The following KCNIP4 variants were observed in gnomAD, a reference collection of about 807,000 sequenced individuals.
The protein encoded by KCNIP4 is Kv channel-interacting protein 4.
A neutral mutation model predicts 34.0 loss-of-function variants in KCNIP4; 12 were observed. The observed-to-expected ratio is 0.35, with a 90% CI of 0.23 to 0.57. The LOEUF is 0.57. KCNIP4 is among the 20% of genes least tolerant of loss of function. The pLI, the probability that KCNIP4 is intolerant of heterozygous loss-of-function variation, is 0.83. For missense variants in KCNIP4, 238 were observed against 311.7 expected, an observed-to-expected ratio of 0.76 and a Z score of 1.78; for synonymous variants, 124 against 102.2, an observed-to-expected ratio of 1.21 and a Z score of -1.29.
intron 1 of KCNIP4, among the ~76,000 whole-genome samples, chr4:21,389,643 A>G (rs182090369): frequency 0.013 from 1,915 of 151,582 alleles, 46 homozygotes; most frequent in African/African-American, 0.043. Flanking sequence ...ATCCTTTTTT[A>G]TGGCTGCATA....
chr4:21,081,492 A>C (rs987340943), intron 1 of KCNIP4, among the ~76,000 whole-genome samples: 5 of 151,754 alleles, frequency 3.3e-5, no homozygotes, highest in Non-Finnish European at 5.9e-5. Context: ...AGTATGTTTT[A>C]AAATTAACCT....
chr4:20,776,957 G>A (rs1756422741), intron 3 of KCNIP4, among the ~76,000 whole-genome samples: 1 of 152,134 alleles, frequency 6.6e-6, no homozygotes. Flanking sequence ...TTGGGGAAAT[G>A]TTTTATGCTA....
chr4:20,943,044 AT>A (rs1731805289), intron 1 of KCNIP4, among the ~76,000 whole-genome samples: 1 of 152,230 alleles, frequency 6.6e-6, no homozygotes, highest in South Asian at 2.1e-4. Flanking sequence ...ATCAAGATCA[AT>A]ATGTTTGATT....
intron 1 of KCNIP4, among the ~76,000 whole-genome samples, chr4:21,917,002 C>G (rs1460225761): frequency 6.6e-6 from 1 of 152,234 alleles, no homozygotes; most frequent in Non-Finnish European, 1.5e-5. Context: ...ATGGATGCAA[C>G]AGATTCATCA....
intron 1 of KCNIP4, among the ~76,000 whole-genome samples, chr4:21,470,501 T>G (rs116050183): frequency 1.3e-5 from 2 of 152,162 alleles, no homozygotes; most frequent in African/African-American, 2.4e-5. Flanking sequence ...ATAGATAATG[T>G]GGTTTAGTTG....
At chr4:20,741,670 A>C (rs186228124) in intron 5 of KCNIP4, among the ~76,000 whole-genome samples, 38 of 152,328 alleles carry the variant, frequency 2.5e-4, no homozygotes, top group Non-Finnish European at 4.6e-4. Context: ...GTAGAGAAGC[A>C]AGAGCAAACA....
intron 2 of KCNIP4, among the ~76,000 whole-genome samples, chr4:20,862,166 T>A (rs930041646): frequency 2.0e-5 from 3 of 152,026 alleles, no homozygotes; most frequent in African/African-American, 7.2e-5. Flanking sequence ...AATTTTTGTA[T>A]GTTTAGTAGA....
chr4:21,650,935 C>T (rs1747437194), intron 1 of KCNIP4, among the ~76,000 whole-genome samples: 1 of 151,962 alleles, frequency 6.6e-6, no homozygotes, highest in Admixed American at 6.6e-5. Flanking sequence ...CTCCTTGAGG[C>T]CACCCACAGT....
At chr4:21,768,111 C>G (rs1315620681) in intron 1 of KCNIP4, among the ~76,000 whole-genome samples, 1 of 152,014 alleles carries the variant, frequency 6.6e-6, no homozygotes, top group African/African-American at 2.4e-5. Flanking sequence ...AACCGCCAAG[C>G]AAGAGCTTCT....
At chr4:20,866,468 T>C (rs1577280554) in intron 2 of KCNIP4, among the ~76,000 whole-genome samples, 1 of 152,032 alleles carries the variant, frequency 6.6e-6, no homozygotes, top group South Asian at 2.1e-4. Context: ...CCTTTTATGA[T>C]AAAAACCCTT....
At chr4:21,569,652 G>C (rs1194374588) in intron 1 of KCNIP4, among the ~76,000 whole-genome samples, 8 of 152,228 alleles carry the variant, frequency 5.3e-5, no homozygotes, top group Admixed American at 2.0e-4. Context: ...CTATTAATCA[G>C]AGTCTGGTGT....
chr4:20,852,442 CT>C (rs1317713929), intron 2 of KCNIP4, among the ~76,000 whole-genome samples: 2 of 152,118 alleles, frequency 1.3e-5, no homozygotes, highest in African/African-American at 4.8e-5. Flanking sequence ...ATGATTAAAA[CT>C]CTCAGCAAAA....
intron 1 of KCNIP4, among the ~76,000 whole-genome samples, chr4:21,256,421 A>C (rs1434110170): frequency 2.0e-5 from 3 of 149,614 alleles, no homozygotes; most frequent in Non-Finnish European, 4.5e-5. Flanking sequence ...CCCTGCTTAA[A>C]AAAAAAAAAA....
rs752130417 is a variant in KCNIP4 at position 20,729,643 on chromosome 4, CATG to C, written c.*436_*438del. 2.0e-5 allele frequency: 3 copies of C among 151,814 alleles called. No homozygotes were observed. The highest frequency in any genetic ancestry group is 4.4e-5 in the Non-Finnish European group (3 of 68,454). The allele number at this position is 151,814 out of a possible 1,614,324, so 9.4% of individuals were successfully genotyped here. On this transcript the variant is annotated 3_prime_UTR_variant, in exon 9 of 9. Coordinates refer to ENST00000382152, the MANE Select transcript of KCNIP4 (RefSeq NM_025221.6). ...TTTAAATGGAATTACAGCATTCAAA[CATG>C]AAAATTAATTTAATTTCTGGAAATT...
At chr4:21,324,473 C>G (rs780800799) in intron 1 of KCNIP4, among the ~76,000 whole-genome samples, 14 of 151,958 alleles carry the variant, frequency 9.2e-5, no homozygotes, top group Non-Finnish European at 1.9e-4. Flanking sequence ...TATGGATATC[C>G]AGCTTTCCCA....
In KCNIP4 at chr4:21,455,810, TATATA is replaced by T. The variant is rs1728887152; in HGVS notation, c.61+492756_61+492760del. 5.8e-3 allele frequency among the ~76,000 whole-genome samples: 391 copies of T among 67,984 alleles called. 29 individuals are homozygous for T. Among genetic ancestry groups the T allele is most frequent in the Middle Eastern group, 0.016 (2 of 122 alleles). The allele number at this position is 67,984 out of a possible 152,430, so 44.6% of individuals were successfully genotyped here. A position where few individuals can be genotyped will look rare whatever the true frequency, so the allele number is the denominator to read the frequency against. Reference sequence around the variant, plus strand: ...AATGTGATAGTCTTACAGATATTCATATATATATATATATATATATATATATATAT... The same window carrying T: ...AATGTGATAGTCTTACAGATATTCATTATATATATATATATATATATATAT... On this transcript the variant is annotated intron_variant, in intron 1 of 8. Coordinates refer to ENST00000382152, the MANE Select transcript of KCNIP4 (RefSeq NM_025221.6).
intron 1 of KCNIP4, among the ~76,000 whole-genome samples, chr4:21,520,008 G>A (rs1374031415): frequency 2.6e-5 from 4 of 151,924 alleles, no homozygotes; most frequent in Middle Eastern, 3.4e-3. Context: ...TGAAGAACTT[G>A]GAGTGCGATG....
intron 1 of KCNIP4, among the ~76,000 whole-genome samples, chr4:21,346,649 A>C (rs1717454504): frequency 6.6e-6 from 1 of 152,048 alleles, no homozygotes; most frequent in Non-Finnish European, 1.5e-5. Context: ...TACATTCTTT[A>C]GTACATTGCT....
chr4:21,697,697 G>A, intron 1 of KCNIP4: 1 of 1,238,968 alleles, frequency 8.1e-7, no homozygotes, highest in Non-Finnish European at 1.0e-6. Context: ...TTCTTCTGTG[G>A]CAACAGACAG....
Sources: allele counts gnomAD v4.1 joint callset (sites outside exome capture counted in the v4.1 genomes callset), GRCh38; gene constraint gnomAD v4.1.1; transcripts MANE v1.5; gene names NCBI Gene and HGNC (gene_info 2026-07-23, HGNC 2026-07-21).